Variants in PROS1 observed in about 807,000 individuals in gnomAD.
The protein encoded by PROS1 is vitamin K-dependent protein S.
In PROS1, 29 loss-of-function variants were observed where a neutral mutation model predicts 75.9. That is an observed-to-expected ratio of 0.38 (90% CI 0.28 to 0.52). PROS1 has a LOEUF of 0.52. PROS1 is among the 20% of genes least tolerant of loss of function. PROS1 has a pLI of 0.83. For synonymous variants in PROS1, 245 were observed against 280.6 expected, an observed-to-expected ratio of 0.87 and a Z score of 1.27; for missense variants, 680 against 810.3, an observed-to-expected ratio of 0.84 and a Z score of 1.95.
chr3:93,949,031 T>C (rs1230780798), intron 1 of PROS1, among the ~76,000 whole-genome samples: 1 of 152,168 alleles, frequency 6.6e-6, no homozygotes, highest in Non-Finnish European at 1.5e-5. Flanking sequence ...ATGGAACATG[T>C]GTTTATCAGG....
intron 1 of PROS1, among the ~76,000 whole-genome samples, chr3:93,942,710 C>A (rs1709307468): frequency 6.6e-6 from 1 of 152,202 alleles, no homozygotes; most frequent in Non-Finnish European, 1.5e-5. Context: ...ATTTCAAAAC[C>A]TCTTCCATTT....
At chr3:93,946,042 A>T (rs1000748551) in intron 1 of PROS1, among the ~76,000 whole-genome samples, 10 of 152,194 alleles carry the variant, frequency 6.6e-5, no homozygotes, top group Admixed American at 5.9e-4. Context: ...TCATGAGTGA[A>T]CCGCCATTCA....
At chr3:93,961,145 G>GGA (rs1709701025) in intron 1 of PROS1, among the ~76,000 whole-genome samples, 1 of 152,106 alleles carries the variant, frequency 6.6e-6, no homozygotes, top group Non-Finnish European at 1.5e-5. Flanking sequence ...GGCATGACTG[G>GGA]GAGGATGACA....
At chr3:93,878,333 T>C (rs1298184932) in intron 13 of PROS1, among the ~76,000 whole-genome samples, 1 of 152,230 alleles carries the variant, frequency 6.6e-6, no homozygotes, top group Non-Finnish European at 1.5e-5. Context: ...AGGTTACTTA[T>C]GGTTAACCAC....
intron 1 of PROS1, among the ~76,000 whole-genome samples, chr3:93,962,010 T>C (rs1166698228): frequency 6.6e-6 from 1 of 152,120 alleles, no homozygotes; most frequent in Non-Finnish European, 1.5e-5. Flanking sequence ...TTTTCACTGA[T>C]CCTGTGAAAA....
chr3:93,879,735 A>G (rs1708247576), intron 12 of PROS1, among the ~76,000 whole-genome samples: 2 of 152,238 alleles, frequency 1.3e-5, no homozygotes, highest in African/African-American at 4.8e-5. Flanking sequence ...TCATCACTCC[A>G]AAGGATAAAT....
chr3:93,898,670 A>G (rs894494551), intron 7 of PROS1, 101 bp from the exon 8 acceptor site: 8 of 1,365,934 alleles, frequency 5.9e-6, no homozygotes, highest in African/African-American at 2.9e-5. Context: ...ATAATCAATG[A>G]TAATCGAACC....
chr3:93,876,685 T>C (rs1708194440), intron 14 of PROS1, among the ~76,000 whole-genome samples: 1 of 151,402 alleles, frequency 6.6e-6, no homozygotes, highest in African/African-American at 2.4e-5. Flanking sequence ...AATATTGAAC[T>C]TATAAGACTA....
At chr3:93,929,876 T>C (rs916218379) in intron 1 of PROS1, among the ~76,000 whole-genome samples, 3 of 152,216 alleles carry the variant, frequency 2.0e-5, no homozygotes, top group African/African-American at 7.2e-5. Context: ...GTTCTTTCAC[T>C]AAGAAGATAA....
chr3:93,930,561 G>T (rs1709092113), intron 1 of PROS1, among the ~76,000 whole-genome samples: 2 of 152,126 alleles, frequency 1.3e-5, no homozygotes, highest in Non-Finnish European at 2.9e-5. Context: ...TTAGGAGTTT[G>T]ATAGTGATTT....
intron 1 of PROS1, among the ~76,000 whole-genome samples, chr3:93,971,214 T>C (rs1282844084): frequency 6.6e-6 from 1 of 151,114 alleles, no homozygotes; most frequent in Non-Finnish European, 1.5e-5. Flanking sequence ...TGGTGGTGCA[T>C]GCCAGCTGGT....
At chr3:93,949,966 T>C (rs1473261287) in intron 1 of PROS1, among the ~76,000 whole-genome samples, 1 of 152,022 alleles carries the variant, frequency 6.6e-6, no homozygotes, top group East Asian at 1.9e-4. Context: ...ACCTGGAAAA[T>C]AGGGACACTC....
intron 13 of PROS1, 58 bp downstream of exon 13, chr3:93,879,105 A>G: frequency 6.7e-7 from 1 of 1,496,670 alleles, no homozygotes; most frequent in African/African-American, 1.4e-5. Flanking sequence ...ACTGCTATGT[A>G]TACATTTTAA....
intron 3 of PROS1, among the ~76,000 whole-genome samples, chr3:93,923,026 A>C (rs1708965338): frequency 6.6e-6 from 1 of 152,204 alleles, no homozygotes; most frequent in Admixed American, 6.5e-5. Context: ...AAACTACAGA[A>C]GCTGGAAAGC....
intron 1 of PROS1, among the ~76,000 whole-genome samples, chr3:93,949,621 T>TA: frequency 6.6e-6 from 1 of 151,830 alleles, no homozygotes; most frequent in East Asian, 1.9e-4. Flanking sequence ...AAAGCTCTAC[T>TA]AAAAAAATAA....
intron 7 of PROS1, among the ~76,000 whole-genome samples, chr3:93,899,987 G>A (rs1282280922): frequency 6.6e-6 from 1 of 152,068 alleles, no homozygotes; most frequent in Non-Finnish European, 1.5e-5. Context: ...CATTATACAT[G>A]TGTGTGAATA....
chr3:93,933,583 G>GA (rs1194668560), intron 1 of PROS1, among the ~76,000 whole-genome samples: 51 of 144,520 alleles, frequency 3.5e-4, no homozygotes, highest in Admixed American at 4.8e-4. Flanking sequence ...CAAAAAAAAA[G>GA]AAAAAAAAAG....
chr3:93,966,352 TG>T (rs1407176032), intron 1 of PROS1, among the ~76,000 whole-genome samples: 1 of 152,216 alleles, frequency 6.6e-6, no homozygotes, highest in Non-Finnish European at 1.5e-5. Flanking sequence ...GAGATGAGAA[TG>T]TTTGTGTTCC....
chr3:93,892,379 C>T (rs2107148946), intron 10 of PROS1, among the ~76,000 whole-genome samples: 1 of 151,098 alleles, frequency 6.6e-6, no homozygotes, highest in Admixed American at 6.6e-5. Context: ...AATCCCAGGA[C>T]TTTGGGAGGC....
Sources: gnomAD v4.1 joint callset for allele counts (sites outside exome capture counted in the v4.1 genomes callset) on GRCh38, gnomAD v4.1.1 for gene constraint, MANE v1.5 for transcripts, NCBI Gene and HGNC (gene_info 2026-07-23, HGNC 2026-07-21) for gene names.